TPD52: variants seen among roughly 807,000 people sequenced by gnomAD.
TPD52 encodes tumor protein D52.
In TPD52, 17 loss-of-function variants were observed where a neutral mutation model predicts 31.3. The observed-to-expected ratio is 0.54, with a 90% CI of 0.37 to 0.82. The LOEUF (loss-of-function observed/expected upper bound fraction) is 0.82, where lower values mean the gene tolerates loss of function less well. TPD52 is among the 40% of genes least tolerant of loss of function. The pLI, the probability that TPD52 is intolerant of heterozygous loss-of-function variation, is 0.00. For missense variants in TPD52, 212 were observed against 240.1 expected, an observed-to-expected ratio of 0.88 and a Z score of 0.77; for synonymous variants, 83 against 89.6, an observed-to-expected ratio of 0.93 and a Z score of 0.42.
rs200490246 is a variant in TPD52 at position 80,059,825 on chromosome 8, GC to G, written c.135+4652del. ...GACGAGATCGCACCATTGCACTCCA[GC>G]CTGGGCAACGGAGTGAGGCTCCATC... On this transcript the variant is annotated intron_variant, in intron 2 of 7. Transcript: ENST00000518937. 3.3e-3 allele frequency among the ~76,000 whole-genome samples: 496 copies of G among 152,212 alleles called. 5 individuals are homozygous for G. Among genetic ancestry groups the G allele is most frequent in the African/African-American group, 0.011 (474 of 41,542 alleles).
chr8:80,132,956 G>A (rs538730427), intron 1 of TPD52, among the ~76,000 whole-genome samples: 1 of 152,260 alleles, frequency 6.6e-6, no homozygotes, highest in South Asian at 2.1e-4. Context: ...CCACTTTTGA[G>A]TCCATACTTG....
At chr8:80,055,640 T>G (rs931655473) in intron 2 of TPD52, among the ~76,000 whole-genome samples, 3 of 152,194 alleles carry the variant, frequency 2.0e-5, no homozygotes, top group African/African-American at 7.2e-5. Flanking sequence ...AAACTATTCA[T>G]CTGACAAGGG....
intron 1 of TPD52, among the ~76,000 whole-genome samples, chr8:80,079,590 C>T (rs1176562682): frequency 6.6e-6 from 1 of 152,110 alleles, no homozygotes; most frequent in Non-Finnish European, 1.5e-5. Context: ...CTGGAAAAAC[C>T]TGATTGCTTA....
chr8:80,147,341 C>T (rs953223976), intron 1 of TPD52, among the ~76,000 whole-genome samples: 12 of 152,142 alleles, frequency 7.9e-5, no homozygotes, highest in South Asian at 4.1e-4. Context: ...AATGAGGTTC[C>T]GGGAACTAAG....
At chr8:80,094,065 T>C (rs1214722060) in intron 1 of TPD52, among the ~76,000 whole-genome samples, 1 of 152,176 alleles carries the variant, frequency 6.6e-6, no homozygotes, top group East Asian at 1.9e-4. Context: ...CAGAGTTTTA[T>C]AAAACATCGC....
At chr8:80,115,743 T>G (rs1348098287) in intron 1 of TPD52, among the ~76,000 whole-genome samples, 1 of 152,228 alleles carries the variant, frequency 6.6e-6, no homozygotes, top group African/African-American at 2.4e-5. Flanking sequence ...TAACAGAGCC[T>G]ATTTATATGG....
intron 1 of TPD52, among the ~76,000 whole-genome samples, chr8:80,150,375 C>T (rs898156827): frequency 6.7e-6 from 1 of 149,288 alleles, no homozygotes; most frequent in Non-Finnish European, 1.5e-5. Context: ...AGTGCAGGAG[C>T]GAAATGTGGG....
downstream of TPD52, among the ~76,000 whole-genome samples, chr8:80,031,420 C>T (rs773718362): frequency 6.6e-5 from 10 of 152,174 alleles, no homozygotes; most frequent in Non-Finnish European, 2.9e-5. Context: ...TGAGTTCTCC[C>T]TCTTGGCAGT....
At chr8:80,039,923 T>C (rs1039443194) in intron 7 of TPD52, among the ~76,000 whole-genome samples, 17 of 152,120 alleles carry the variant, frequency 1.1e-4, no homozygotes, top group Non-Finnish European at 1.8e-4. Flanking sequence ...TACCTCACTT[T>C]AGTTTCATTG....
intron 1 of TPD52, among the ~76,000 whole-genome samples, chr8:80,093,619 A>C (rs931307263): frequency 2.6e-5 from 4 of 152,210 alleles, no homozygotes; most frequent in Non-Finnish European, 4.4e-5. Context: ...AACAAGATCA[A>C]AATACCAAGT....
At chr8:80,106,696 T>C (rs1442147771) in intron 1 of TPD52, among the ~76,000 whole-genome samples, 1 of 143,512 alleles carries the variant, frequency 7.0e-6, no homozygotes, top group Non-Finnish European at 1.5e-5. Flanking sequence ...TTTTTTTTTG[T>C]ACCCAGTAAA....
At chr8:80,154,157 T>TA (rs1372147633) in intron 1 of TPD52, among the ~76,000 whole-genome samples, 3 of 152,300 alleles carry the variant, frequency 2.0e-5, no homozygotes, top group South Asian at 2.1e-4. Context: ...TTTAAAATTC[T>TA]AAAAAATAAT....
chr8:80,037,954 A>G lies in TPD52; in HGVS notation c.*162T>C. On this transcript the variant is annotated 3_prime_UTR_variant, in exon 8 of 8. Transcript: ENST00000518937. ...GTGTTTCCCAAGAATAGAGGTGAAG[A>G]TATTTTCATTTTGTTTAACCCACAA... 1 of 904,866 alleles carries G rather than the reference A, an allele frequency of 1.1e-6. No individual in the cohort carries two copies. The highest frequency in any genetic ancestry group is 1.7e-5 in the African/African-American group (1 of 60,172). 56.1% of individuals were successfully genotyped at this position (904,866 alleles called of 1,614,324 possible).
intron 1 of TPD52, 83 bp downstream of exon 1, chr8:80,171,342 C>T: frequency 1.3e-6 from 2 of 1,554,690 alleles, no homozygotes; most frequent in Non-Finnish European, 1.7e-6. Context: ...CGCCGGGCCG[C>T]GCTCAGCCCC....
intron 2 of TPD52, among the ~76,000 whole-genome samples, chr8:80,055,409 T>G (rs1215451134): frequency 6.6e-6 from 1 of 152,182 alleles, no homozygotes; most frequent in African/African-American, 2.4e-5. Context: ...TCTATCACTA[T>G]ATACAAAGAT....
intron 1 of TPD52, among the ~76,000 whole-genome samples, chr8:80,147,206 T>G (rs1294681074): frequency 6.6e-6 from 1 of 152,212 alleles, no homozygotes. Flanking sequence ...CTTGTGTTCA[T>G]GTATTGCTCC....
At chr8:80,050,879 G>A (rs572077935) in intron 4 of TPD52, among the ~76,000 whole-genome samples, 12 of 151,664 alleles carry the variant, frequency 7.9e-5, no homozygotes, top group Non-Finnish European at 1.6e-4. Context: ...AAGCACAGCT[G>A]ACTTAAACCA....
chr8:80,125,380 T>G (rs1226086007), intron 1 of TPD52, among the ~76,000 whole-genome samples: 1 of 152,144 alleles, frequency 6.6e-6, no homozygotes, highest in African/African-American at 2.4e-5. Flanking sequence ...ATCCTGCCAC[T>G]GAACTCCAGC....
intron 1 of TPD52, among the ~76,000 whole-genome samples, chr8:80,136,386 T>C (rs987612984): frequency 4.0e-5 from 6 of 149,788 alleles, no homozygotes; most frequent in Admixed American, 2.6e-4. Context: ...TAGCCGGGCG[T>C]GGTGGTGGGC....
Sources: gnomAD v4.1 joint callset for allele counts (sites outside exome capture counted in the v4.1 genomes callset) on GRCh38, gnomAD v4.1.1 for gene constraint, MANE v1.5 for transcripts, NCBI Gene and HGNC (gene_info 2026-07-23, HGNC 2026-07-21) for gene names.